Variants in SCP2 observed in about 807,000 individuals in gnomAD.
SCP2 encodes the protein SCP-2/3-oxoacyl-CoA thiolase.
A neutral mutation model predicts 71.4 loss-of-function variants in SCP2; 48 were observed. The ratio of observed to expected loss-of-function variants is 0.67; its 90% confidence interval spans 0.53 to 0.86. SCP2 has a LOEUF of 0.86. SCP2 is among the 40% of genes least tolerant of loss of function. The pLI is 0.00. For synonymous variants in SCP2, 220 were observed against 218.1 expected (o/e 1.01, Z -0.08); for missense variants, 560 against 655.6 (o/e 0.85, Z 1.59).
intron 11 of SCP2, among the ~76,000 whole-genome samples, chr1:53,005,445 C>T (rs1045055216): frequency 2.6e-5 from 4 of 152,184 alleles, no homozygotes; most frequent in African/African-American, 9.7e-5. Flanking sequence ...GATCAGGCAG[C>T]AACATTTGCT....
rs35839216 is a variant in SCP2 at position 52,962,132 on chromosome 1, G to C, written c.523+503G>C. On this transcript the variant is annotated intron_variant, in intron 6 of 15. Coordinates refer to ENST00000371514, the MANE Select transcript of SCP2 (RefSeq NM_002979.5). ...TGCCCAGGCTGGTCTCAAACTCTGA[G>C]CTCAAGTGATCCACCTGTCTCAGCC... 6.8e-3 allele frequency among the ~76,000 whole-genome samples: 1,040 copies of C among 152,226 alleles called. 4 individuals are homozygous for C. Among genetic ancestry groups the C allele is most frequent in the Non-Finnish European group, 0.011 (750 of 68,014 alleles).
chr1:52,974,943 T>G (rs1657818714), intron 7 of SCP2, 111 bp downstream of exon 7: 2 of 708,894 alleles, frequency 2.8e-6, no homozygotes, highest in South Asian at 3.1e-5. Context: ...TTAACTAGAA[T>G]GTTTTATTTT....
chr1:53,031,970 A>G (rs1662576405), intron 13 of SCP2, among the ~76,000 whole-genome samples: 1 of 152,212 alleles, frequency 6.6e-6, no homozygotes, highest in Non-Finnish European at 1.5e-5. Flanking sequence ...GTGCAAGCAG[A>G]TGGCATGGAT....
intron 11 of SCP2, chr1:52,995,353 A>G: frequency 2.1e-6 from 1 of 474,472 alleles, no homozygotes; most frequent in South Asian, 1.7e-5. Context: ...CTGCTCCCGC[A>G]CTTTGAAGCT....
At chr1:53,010,104 T>C (rs1660887378) in intron 11 of SCP2, among the ~76,000 whole-genome samples, 1 of 151,960 alleles carries the variant, frequency 6.6e-6, no homozygotes, top group Non-Finnish European at 1.5e-5. Context: ...GTTAGAATGG[T>C]GATCATTAAA....
At chr1:52,946,669 T>G (rs1214640716) in intron 2 of SCP2, among the ~76,000 whole-genome samples, 1 of 151,918 alleles carries the variant, frequency 6.6e-6, no homozygotes, top group Non-Finnish European at 1.5e-5. Flanking sequence ...CTAACCCAAT[T>G]CTGTAACCAA....
At chr1:52,969,278 G>A (rs929471567) in intron 6 of SCP2, among the ~76,000 whole-genome samples, 1 of 152,138 alleles carries the variant, frequency 6.6e-6, no homozygotes, top group Non-Finnish European at 1.5e-5. Context: ...TGTAATCCCA[G>A]CACTTTGGGA....
chr1:53,037,916 A>AGAT (rs1663098670), intron 13 of SCP2, among the ~76,000 whole-genome samples: 8 of 127,334 alleles, frequency 6.3e-5, no homozygotes, highest in East Asian at 3.3e-4. Flanking sequence ...ACACACACAC[A>AGAT]CACACACACA....
At chr1:52,975,540 C>T (rs1369250622) in intron 7 of SCP2, among the ~76,000 whole-genome samples, 1 of 151,958 alleles carries the variant, frequency 6.6e-6, no homozygotes, top group Non-Finnish European at 1.5e-5. Flanking sequence ...CTCCTGACCT[C>T]AGGTGATCTG....
chr1:52,948,385 C>T (rs1489590021), intron 3 of SCP2, among the ~76,000 whole-genome samples: 1 of 152,154 alleles, frequency 6.6e-6, no homozygotes, highest in Non-Finnish European at 1.5e-5. Flanking sequence ...GTGGCTCACG[C>T]CTATAATCCC....
At chr1:52,989,133 T>C (rs1315327278) in intron 11 of SCP2, among the ~76,000 whole-genome samples, 5 of 152,236 alleles carry the variant, frequency 3.3e-5, no homozygotes, top group African/African-American at 7.2e-5. Flanking sequence ...TTCCTAAGTA[T>C]ATTATAACCC....
chr1:52,999,812 C>CTTT (rs1557598899), intron 11 of SCP2, among the ~76,000 whole-genome samples: 1 of 119,958 alleles, frequency 8.3e-6, no homozygotes, highest in South Asian at 2.5e-4. Flanking sequence ...TTACTGAACA[C>CTTT]TTGTTTTTTT....
chr1:52,956,620 G>A (rs2150134237), intron 5 of SCP2, among the ~76,000 whole-genome samples: 1 of 152,296 alleles, frequency 6.6e-6, no homozygotes, highest in East Asian at 1.9e-4. Flanking sequence ...AAAGCATCAT[G>A]AGCCTAGTCA....
rs1261798969 is a variant in SCP2, at chr1:52,964,939, G to A, written c.523+3310G>A. ...TGAGGCAGGAGAATTGCTTGAACCC[G>A]AGAGGTAGAGGTTGTGAGCCGAGAT... On this transcript the variant is annotated intron_variant, in intron 6 of 15. Coordinates refer to ENST00000371514, the MANE Select transcript of SCP2 (RefSeq NM_002979.5). Among the ~76,000 whole-genome samples, 5 of 152,120 alleles carry A rather than the reference G, an allele frequency of 3.3e-5. 1 individual carries two copies. Among genetic ancestry groups the A allele is most frequent in the Non-Finnish European group, 2.9e-5 (2 of 68,024 alleles).
Position 52,972,609 on chromosome 1 carries a change from GC to G in SCP2, c.524-2158del, listed in dbSNP as rs575338563. Among the ~76,000 whole-genome samples the G allele has an allele frequency of 2.0e-5, 3 of 152,210 alleles. No individual in the cohort carries two copies. The East Asian group carries it at 5.8e-4, about 29-fold the overall frequency. ...AACAAGGAATTTGTCACCAACTGAG[GC>G]CACCAATCCCAATTTTTAGGAGATT... On this transcript the variant is annotated intron_variant, in intron 6 of 15. Coordinates refer to ENST00000371514, the MANE Select transcript of SCP2 (RefSeq NM_002979.5).
intron 11 of SCP2, among the ~76,000 whole-genome samples, chr1:52,990,002 C>T (rs956668831): frequency 6.6e-6 from 1 of 152,096 alleles, no homozygotes; most frequent in Non-Finnish European, 1.5e-5. Context: ...TGGCTGAGTA[C>T]CACATTATGC....
In SCP2 at chr1:53,050,603, T is replaced by A; in HGVS notation, c.1549-6T>A. 1.2e-6 allele frequency: 2 copies of A among 1,603,312 alleles called. No individual in the cohort carries two copies. Among genetic ancestry groups the A allele is most frequent in the Non-Finnish European group, 1.7e-6 (2 of 1,170,310 alleles). ...CCAAGTAATGAATTTTCTTTCTTCT[T>A]CACAGGCCTTCTTTCAAGGCAAATT... On this transcript the variant is annotated splice_region_variant and splice_polypyrimidine_tract_variant and intron_variant, in intron 15 of 15. Transcript: ENST00000371514.
intron 14 of SCP2, among the ~76,000 whole-genome samples, chr1:53,040,361 T>C (rs1663326998): frequency 6.6e-6 from 1 of 152,192 alleles, no homozygotes. Flanking sequence ...TTTTTGCTGT[T>C]GCATGAATGT....
intron 11 of SCP2, among the ~76,000 whole-genome samples, chr1:53,009,952 C>CA (rs1660879053): frequency 6.6e-6 from 1 of 152,118 alleles, no homozygotes; most frequent in South Asian, 2.1e-4. Context: ...ACAACCCCAT[C>CA]AAAAAGCGGG....
Sources: gnomAD v4.1 joint callset for allele counts (sites outside exome capture counted in the v4.1 genomes callset) on GRCh38, gnomAD v4.1.1 for gene constraint, MANE v1.5 for transcripts, NCBI Gene and HGNC (gene_info 2026-07-23, HGNC 2026-07-21) for gene names.